Variants in SLC35F3 observed in about 807,000 individuals in gnomAD.
The protein encoded by SLC35F3 is putative thiamine transporter SLC35F3.
In SLC35F3, 25 loss-of-function variants were observed where a neutral mutation model predicts 49.9. That is an observed-to-expected ratio of 0.50 (90% confidence interval 0.37 to 0.70). SLC35F3 has a LOEUF of 0.70. Ranked by LOEUF, SLC35F3 falls within the 30% of genes least tolerant of loss-of-function variation. The pLI is 0.00. For missense variants in SLC35F3, 525 were observed against 639.8 expected, an observed-to-expected ratio of 0.82 and a Z score of 1.94; for synonymous variants, 275 against 265.4, an observed-to-expected ratio of 1.04 and a Z score of -0.35.
At chr1:233,991,635 T>G (rs1396907233) in intron 2 of SLC35F3, among the ~76,000 whole-genome samples, 1 of 152,148 alleles carries the variant, frequency 6.6e-6, no homozygotes, top group Non-Finnish European at 1.5e-5. Flanking sequence ...CTTACCCTAA[T>G]TTGTTTTTTA....
chr1:234,190,615 G>C (rs1030601112), intron 2 of SLC35F3, among the ~76,000 whole-genome samples: 9 of 152,152 alleles, frequency 5.9e-5, no homozygotes, highest in African/African-American at 2.2e-4. Flanking sequence ...CACAATAATA[G>C]TGGGGGACTT....
intron 2 of SLC35F3, among the ~76,000 whole-genome samples, chr1:234,001,845 C>A (rs1270941651): frequency 6.6e-6 from 1 of 152,198 alleles, no homozygotes. Context: ...GGGAAATATG[C>A]ACTGAATGAT....
intron 2 of SLC35F3, among the ~76,000 whole-genome samples, chr1:234,226,961 G>GCACACACACACACACACACACA (rs57809897): frequency 6.1e-5 from 9 of 148,636 alleles, no homozygotes; most frequent in African/African-American, 2.0e-4. Context: ...GCGCACGCGT[G>GCACACACACACACACACACACA]CACACACACA....
intron 2 of SLC35F3, among the ~76,000 whole-genome samples, chr1:234,029,503 C>G (rs1664025890): frequency 6.6e-6 from 1 of 152,112 alleles, no homozygotes; most frequent in Admixed American, 6.5e-5. Context: ...TCCAGGTGCC[C>G]TAGAACCATG....
chr1:233,984,404 AT>A (rs1558196889), intron 2 of SLC35F3, among the ~76,000 whole-genome samples: 1 of 152,204 alleles, frequency 6.6e-6, no homozygotes, highest in Non-Finnish European at 1.5e-5. Flanking sequence ...CAGGCAGCTG[AT>A]GCTCAATCCT....
intron 2 of SLC35F3, among the ~76,000 whole-genome samples, chr1:234,222,074 G>C (rs922702154): frequency 3.3e-5 from 5 of 152,196 alleles, no homozygotes; most frequent in African/African-American, 1.2e-4. Context: ...GTAGATTTTG[G>C]TATTTGAGCA....
chr1:233,963,226 A>T (rs1196410161), intron 2 of SLC35F3, among the ~76,000 whole-genome samples: 1 of 150,404 alleles, frequency 6.6e-6, no homozygotes, highest in Non-Finnish European at 1.5e-5. Context: ...TCTGAATCCC[A>T]TTTCTCCAGT....
Position 234,236,780 on chromosome 1 carries a change from AG to A in SLC35F3, c.608+5041del, listed in dbSNP as rs1198402912. Among the ~76,000 whole-genome samples the A allele has an allele frequency of 6.6e-5, 10 of 152,080 alleles. No homozygotes were observed. In the South Asian group the frequency reaches 1.2e-3, roughly 19 times the overall value. ...TGCGACTCTGTAGAAAATGGAATGA[AG>A]GACAAGGCTGGAGGTCAATCCAGGT... is the stretch of plus-strand genomic sequence containing the variant. On this transcript the variant is annotated intron_variant, in intron 3 of 7. Coordinates refer to ENST00000366618, the MANE Select transcript of SLC35F3 (RefSeq NM_173508.4).
At chr1:233,932,041 G>T (rs1662251098) in intron 2 of SLC35F3, among the ~76,000 whole-genome samples, 1 of 152,084 alleles carries the variant, frequency 6.6e-6, no homozygotes, top group Non-Finnish European at 1.5e-5. Flanking sequence ...ACTATCACAA[G>T]AGCAGAAAAC....
chr1:233,961,691 G>T lies in SLC35F3; in HGVS notation c.283+55933G>T, dbSNP rs1479321437. Among the ~76,000 whole-genome samples the T allele has an allele frequency of 4.6e-5, 7 of 152,220 alleles. No individual in the cohort carries two copies. The South Asian group carries it at 1.5e-3, about 32-fold the overall frequency. On this transcript the variant is annotated intron_variant, in intron 2 of 7. Transcript: ENST00000366618. ...GGCTAGTCTTGAACTCCTGGCCTCA[G>T]ATGATCCACTTGCTTTGGCCTCCCA...
intron 2 of SLC35F3, among the ~76,000 whole-genome samples, chr1:234,018,987 A>G (rs771257421): frequency 6.6e-6 from 1 of 152,342 alleles, no homozygotes; most frequent in Non-Finnish European, 1.5e-5. Flanking sequence ...AGAGGTTTGA[A>G]GATAGAAGAG....
Position 234,165,814 on chromosome 1 carries a change from G to A in SLC35F3, c.284-65603G>A, listed in dbSNP as rs186640738. Among the ~76,000 whole-genome samples, 421 of 152,220 alleles carry A rather than the reference G, an allele frequency of 2.8e-3. 3 individuals carry two copies. The highest frequency in any genetic ancestry group is 9.5e-3 in the African/African-American group (393 of 41,532). ...TTTTAGTGTACCCCTCACCCAAGTC[G>A]TGTACATTGTACCCTGTGGGTAGTT... On this transcript the variant is annotated intron_variant, in intron 2 of 7. Transcript: ENST00000366618.
At chr1:234,243,515 C>T (rs1667586217) in intron 3 of SLC35F3, among the ~76,000 whole-genome samples, 4 of 152,304 alleles carry the variant, frequency 2.6e-5, no homozygotes, top group Admixed American at 2.0e-4. Context: ...TCGCATGTAG[C>T]AAGTGGAGGG....
At chr1:234,260,857 C>T (rs1667893854) in intron 3 of SLC35F3, among the ~76,000 whole-genome samples, 1 of 152,196 alleles carries the variant, frequency 6.6e-6, no homozygotes, top group Non-Finnish European at 1.5e-5. Flanking sequence ...AGACACTTTA[C>T]TGCACGGACT....
chr1:234,247,238 T>C (rs748120486), intron 3 of SLC35F3, among the ~76,000 whole-genome samples: 6 of 152,266 alleles, frequency 3.9e-5, no homozygotes, highest in African/African-American at 7.2e-5. Context: ...CATGTATGCA[T>C]GTGTCTATGT....
intron 2 of SLC35F3, among the ~76,000 whole-genome samples, chr1:234,159,951 C>T (rs1027187811): frequency 3.3e-5 from 5 of 152,134 alleles, no homozygotes; most frequent in African/African-American, 4.8e-5. Flanking sequence ...ATCACTGGTG[C>T]CAAAGACCTA....
chr1:234,210,417 A>G (rs897042950), intron 2 of SLC35F3, among the ~76,000 whole-genome samples: 1 of 152,166 alleles, frequency 6.6e-6, no homozygotes, highest in Non-Finnish European at 1.5e-5. Flanking sequence ...GGCTCAGAAG[A>G]AGATAAGAAA....
intron 2 of SLC35F3, among the ~76,000 whole-genome samples, chr1:234,201,813 G>T (rs191473729): frequency 7.3e-5 from 11 of 150,794 alleles, no homozygotes; most frequent in African/African-American, 2.7e-4. Flanking sequence ...TTTACAAAAA[G>T]CAATGGTTTA....
chr1:234,033,250 A>G (rs994635946), intron 2 of SLC35F3, among the ~76,000 whole-genome samples: 12 of 151,892 alleles, frequency 7.9e-5, no homozygotes, highest in Non-Finnish European at 1.2e-4. Context: ...TAGATTCTGG[A>G]TATTAGTCCT....
Sources: gnomAD v4.1 joint callset for allele counts (sites outside exome capture counted in the v4.1 genomes callset) on GRCh38, gnomAD v4.1.1 for gene constraint, MANE v1.5 for transcripts, NCBI Gene and HGNC (gene_info 2026-07-23, HGNC 2026-07-21) for gene names.